The following MSI2 variants were observed in gnomAD, a reference collection of about 807,000 sequenced individuals.
MSI2 encodes the protein musashi RNA binding protein 2, also known as RNA-binding protein Musashi homolog 2.
Under a neutral mutation model 45.6 loss-of-function variants are expected in MSI2, and 17 were observed. That is an observed-to-expected ratio of 0.37 (90% CI 0.26 to 0.56). The LOEUF (loss-of-function observed/expected upper bound fraction) is 0.56, where lower values mean the gene tolerates loss of function less well. MSI2 is among the 20% of genes least tolerant of loss of function. The pLI is 0.77. For missense variants in MSI2, 293 were observed against 444.2 expected (o/e 0.66, Z 3.06); for synonymous variants, 156 against 158.2 (o/e 0.99, Z 0.11).
intron 6 of MSI2, among the ~76,000 whole-genome samples, chr17:57,517,356 G>A (rs1015524279): frequency 2.0e-5 from 3 of 152,202 alleles, no homozygotes; most frequent in Non-Finnish European, 4.4e-5. Context: ...GCTGATTCGG[G>A]TGCCTGATGC....
chr17:57,422,200 G>A (rs958740742), intron 6 of MSI2, among the ~76,000 whole-genome samples: 41 of 152,268 alleles, frequency 2.7e-4, no homozygotes, highest in African/African-American at 7.5e-4. Flanking sequence ...GGTGGCTCAC[G>A]CCTGTAATCC....
chr17:57,511,233 A>G (rs1598349947), intron 6 of MSI2, among the ~76,000 whole-genome samples: 1 of 152,196 alleles, frequency 6.6e-6, no homozygotes, highest in South Asian at 2.1e-4. Flanking sequence ...CAGGGAGCGG[A>G]TGCTCTGGCA....
At chr17:57,397,760 C>T (rs767479382) in intron 5 of MSI2, among the ~76,000 whole-genome samples, 1 of 152,218 alleles carries the variant, frequency 6.6e-6, no homozygotes, top group Non-Finnish European at 1.5e-5. Context: ...ACAGCCCTGT[C>T]GCCCCCATAG....
chr17:57,592,155 G>A (rs1447115966), intron 7 of MSI2, among the ~76,000 whole-genome samples: 2 of 150,550 alleles, frequency 1.3e-5, no homozygotes, highest in South Asian at 2.1e-4. Flanking sequence ...CTGGGTGACA[G>A]AGCGAGACTC....
intron 6 of MSI2, among the ~76,000 whole-genome samples, chr17:57,432,791 C>A (rs907115740): frequency 6.6e-6 from 1 of 152,262 alleles, no homozygotes; most frequent in Admixed American, 6.5e-5. Context: ...TCGTTGAGAC[C>A]GATGCTTATC....
the MSI2 span, among the ~76,000 whole-genome samples, chr17:57,696,884 G>C: frequency 3.3e-5 from 5 of 152,012 alleles, no homozygotes; most frequent in Non-Finnish European, 7.4e-5. Context: ...CCAAACTCTT[G>C]GCACACTCTA....
intron 5 of MSI2, among the ~76,000 whole-genome samples, chr17:57,356,302 T>C (rs1000118624): frequency 3.3e-5 from 5 of 152,234 alleles, no homozygotes; most frequent in African/African-American, 1.2e-4. Context: ...GGCATGTTTC[T>C]TCATTTTTAT....
intron 6 of MSI2, among the ~76,000 whole-genome samples, chr17:57,508,823 T>C (rs1245000615): frequency 1.3e-5 from 2 of 152,222 alleles, no homozygotes; most frequent in Admixed American, 1.3e-4. Flanking sequence ...GGCTTGCACC[T>C]GGCTGGATAA....
At chr17:57,316,261 G>A (rs1481227017) in intron 5 of MSI2, among the ~76,000 whole-genome samples, 1 of 151,892 alleles carries the variant, frequency 6.6e-6, no homozygotes, top group African/African-American at 2.4e-5. Context: ...GACCTTAGGA[G>A]CTATCTTAGC....
the MSI2 span, among the ~76,000 whole-genome samples, chr17:57,696,831 G>A: frequency 1.3e-5 from 2 of 152,164 alleles, no homozygotes; most frequent in Admixed American, 6.5e-5. Context: ...GATGTGATCA[G>A]CTATCCTTTC....
intron 6 of MSI2, among the ~76,000 whole-genome samples, chr17:57,514,769 T>A: frequency 6.6e-6 from 1 of 151,656 alleles, no homozygotes; most frequent in East Asian, 1.9e-4. Flanking sequence ...ATTCTGTCAA[T>A]ACTCATTTAC....
chr17:57,380,695 A>AG (rs2083584029), intron 5 of MSI2, among the ~76,000 whole-genome samples: 1 of 152,170 alleles, frequency 6.6e-6, no homozygotes, highest in African/African-American at 2.4e-5. Context: ...CTAAGAGGGC[A>AG]GGGGGATTCT....
chr17:57,687,757 C>T (rs1263064086), downstream of MSI2, among the ~76,000 whole-genome samples: 2 of 151,926 alleles, frequency 1.3e-5, no homozygotes, highest in Non-Finnish European at 2.9e-5. Flanking sequence ...AAACCCAATA[C>T]AGTAATAAAA....
chr17:57,256,996 C>T lies in MSI2; in HGVS notation c.63-102C>T, dbSNP rs1323170214. ...CCCCCACCCCACCTCCCGGCTCTCGCTCGCTCGCTCCCCCCCGCTTTCCTT... is the reference window on the plus strand; with the variant it reads ...CCCCCACCCCACCTCCCGGCTCTCGTTCGCTCGCTCCCCCCCGCTTTCCTT... On this transcript the variant is annotated intron_variant, in intron 1 of 13. Transcript: ENST00000284073. 4.4e-6 allele frequency: 7 copies of T among 1,586,032 alleles called. No individual in the cohort carries two copies. The East Asian group carries it at 1.2e-4, about 27-fold the overall frequency.
At chr17:57,480,983 T>A (rs1034786046) in intron 6 of MSI2, among the ~76,000 whole-genome samples, 2 of 152,194 alleles carry the variant, frequency 1.3e-5, no homozygotes, top group African/African-American at 4.8e-5. Context: ...AGACTGGAGA[T>A]GGCATTGATA....
At chr17:57,589,019 CATT>C (rs992405010) in intron 7 of MSI2, among the ~76,000 whole-genome samples, 1 of 152,152 alleles carries the variant, frequency 6.6e-6, no homozygotes, top group African/African-American at 2.4e-5. Flanking sequence ...CTCTTTTTAA[CATT>C]ATTATTAGAA....
intron 6 of MSI2, among the ~76,000 whole-genome samples, chr17:57,414,417 T>C (rs1373662324): frequency 6.6e-6 from 1 of 151,956 alleles, no homozygotes; most frequent in Non-Finnish European, 1.5e-5. Flanking sequence ...GAGACAGAGT[T>C]TCACTCTTGT....
chr17:57,609,590 C>T (rs988183994), intron 8 of MSI2, among the ~76,000 whole-genome samples: 4 of 152,256 alleles, frequency 2.6e-5, no homozygotes, highest in African/African-American at 4.8e-5. Context: ...CCCAAGGCCG[C>T]GTGCTGACTG....
At chr17:57,485,775 A>G (rs1353099790) in intron 6 of MSI2, among the ~76,000 whole-genome samples, 1 of 152,210 alleles carries the variant, frequency 6.6e-6, no homozygotes, top group Non-Finnish European at 1.5e-5. Flanking sequence ...CATAAAGACT[A>G]TGAGTGTCAA....
Sources: allele counts gnomAD v4.1 joint callset (sites outside exome capture counted in the v4.1 genomes callset), GRCh38; gene constraint gnomAD v4.1.1; transcripts MANE v1.5; gene names NCBI Gene and HGNC (gene_info 2026-07-23, HGNC 2026-07-21).